The following ARMC2 variants were observed in gnomAD, a reference collection of about 807,000 sequenced individuals.
ARMC2 encodes the protein armadillo repeat-containing protein 2.
In ARMC2, 67 loss-of-function variants were observed where a neutral mutation model predicts 90.3. The observed-to-expected ratio is 0.74, with a 90% CI of 0.61 to 0.91. ARMC2 has a LOEUF of 0.91. Among genes scored for constraint, ARMC2 ranks in the 40% least tolerant of loss-of-function variants. The pLI, the probability that ARMC2 is intolerant of heterozygous loss-of-function variation, is 0.00. For missense variants in ARMC2, 920 were observed against 1,030.9 expected (o/e 0.89, Z 1.47); for synonymous variants, 393 against 393.0 (o/e 1.00, Z 0.00).
intron 10 of ARMC2, among the ~76,000 whole-genome samples, chr6:108,918,144 A>G (rs1257569671): frequency 6.6e-6 from 1 of 152,166 alleles, no homozygotes; most frequent in Non-Finnish European, 1.5e-5. Flanking sequence ...GAAATTACCC[A>G]AGGAGAGAGT....
At chr6:108,989,733 AG>A in the ARMC2 span, among the ~76,000 whole-genome samples, 1 of 152,170 alleles carries the variant, frequency 6.6e-6, no homozygotes, top group Non-Finnish European at 1.5e-5. Flanking sequence ...TGCGAGGAGA[AG>A]GATGGTCTAT....
intron 3 of ARMC2, among the ~76,000 whole-genome samples, chr6:108,861,168 C>T (rs1161723027): frequency 3.3e-5 from 5 of 152,174 alleles, no homozygotes; most frequent in African/African-American, 1.2e-4. Flanking sequence ...TCCCTTCTAC[C>T]TCTGCTACCA....
chr6:108,890,705 C>T (rs924617415), intron 5 of ARMC2, among the ~76,000 whole-genome samples: 8 of 152,170 alleles, frequency 5.3e-5, no homozygotes, highest in South Asian at 2.1e-4. Flanking sequence ...GTAAGGATCA[C>T]GTAGAACAGC....
the ARMC2 span, among the ~76,000 whole-genome samples, chr6:109,048,061 C>T: frequency 6.7e-6 from 1 of 149,532 alleles, no homozygotes; most frequent in Admixed American, 6.6e-5. Context: ...GCCAAATCCC[C>T]CTCTGTGAGA....
the ARMC2 span, among the ~76,000 whole-genome samples, chr6:109,048,905 A>G: frequency 1.3e-5 from 2 of 152,158 alleles, no homozygotes; most frequent in African/African-American, 4.8e-5. Flanking sequence ...ATAAAAAGTG[A>G]CGGGATGAGT....
the ARMC2 span, among the ~76,000 whole-genome samples, chr6:109,026,827 CA>C: frequency 6.6e-6 from 1 of 151,998 alleles, no homozygotes. Flanking sequence ...AAGTAACTGC[CA>C]AACTGTTTTC....
the ARMC2 span, among the ~76,000 whole-genome samples, chr6:109,038,480 C>CAA: frequency 7.0e-6 from 1 of 143,744 alleles, no homozygotes; most frequent in Non-Finnish European, 1.5e-5. Context: ...CTGGGTAAGA[C>CAA]AAAGCCAAGA....
chr6:108,978,005 C>G (rs1779018458), downstream of ARMC2, among the ~76,000 whole-genome samples: 1 of 152,044 alleles, frequency 6.6e-6, no homozygotes, highest in South Asian at 2.1e-4. Context: ...ACTTTCAGTT[C>G]TGCTCTGATG....
the ARMC2 span, chr6:108,993,095 A>T: frequency 3.9e-6 from 2 of 511,474 alleles, no homozygotes; most frequent in Non-Finnish European, 6.8e-6. Context: ...TCTGTTATAA[A>T]ATGAAAACTC....
chr6:109,009,442 C>A, the ARMC2 span: 1 of 1,362,486 alleles, frequency 7.3e-7, no homozygotes, highest in Non-Finnish European at 9.5e-7. Flanking sequence ...GCCTCGTTCG[C>A]GGCGGCGGCC....
chr6:108,857,914 C>G (rs988876933), intron 2 of ARMC2, among the ~76,000 whole-genome samples: 3 of 152,150 alleles, frequency 2.0e-5, no homozygotes, highest in Non-Finnish European at 4.4e-5. Flanking sequence ...TGGTTACTAG[C>G]AGTTGTCCCA....
At chr6:108,921,417 CT>C (rs1418007394) in intron 10 of ARMC2, among the ~76,000 whole-genome samples, 2 of 152,150 alleles carry the variant, frequency 1.3e-5, no homozygotes, top group African/African-American at 4.8e-5. Flanking sequence ...CCAAGTAGGC[CT>C]GTGTAGCCAG....
Position 108,862,355 on chromosome 6 carries a change from A to C in ARMC2, c.291+4084A>C, listed in dbSNP as rs1338846600. Among the ~76,000 whole-genome samples, 50 of 145,170 alleles carry C rather than the reference A, an allele frequency of 3.4e-4. No individual in the cohort carries two copies. In the East Asian group the frequency reaches 4.5e-3, roughly 13 times the overall value. On this transcript the variant is annotated intron_variant, in intron 3 of 17. Coordinates refer to ENST00000392644, the MANE Select transcript of ARMC2 (RefSeq NM_032131.6). ...TGAGACTCATCTCAAAAAAAAAAAA[A>C]AAACAAAAAAAACAAACAAAACCAA...
At chr6:108,926,154 TG>T (rs1300985089) in intron 10 of ARMC2, among the ~76,000 whole-genome samples, 3 of 152,164 alleles carry the variant, frequency 2.0e-5, no homozygotes, top group African/African-American at 7.2e-5. Context: ...TTTGATGCCT[TG>T]GGGACCAGGG....
intron 10 of ARMC2, among the ~76,000 whole-genome samples, chr6:108,915,077 T>A (rs1410517151): frequency 1.3e-5 from 2 of 151,836 alleles, no homozygotes; most frequent in Non-Finnish European, 2.9e-5. Flanking sequence ...CTCAGCCTCC[T>A]GAGTAGCTGG....
intron 3 of ARMC2, among the ~76,000 whole-genome samples, chr6:108,868,297 A>G (rs1358233808): frequency 6.6e-6 from 1 of 151,924 alleles, no homozygotes; most frequent in Admixed American, 6.6e-5. Context: ...GCTCACTGCA[A>G]CCTCCAACTC....
At chr6:108,985,143 T>C in the ARMC2 span, among the ~76,000 whole-genome samples, 1 of 152,128 alleles carries the variant, frequency 6.6e-6, no homozygotes, top group South Asian at 2.1e-4. Flanking sequence ...GCTAATAAAA[T>C]TTCAGAGTAT....
chr6:108,990,518 A>C, the ARMC2 span: 1 of 843,870 alleles, frequency 1.2e-6, no homozygotes, highest in South Asian at 1.6e-5. Flanking sequence ...AAATAGCATA[A>C]AAATAAGTTA....
intron 6 of ARMC2, among the ~76,000 whole-genome samples, chr6:108,895,388 G>A (rs1771495285): frequency 6.7e-6 from 1 of 150,082 alleles, no homozygotes; most frequent in Non-Finnish European, 1.5e-5. Context: ...GGAGGCTGAG[G>A]CAGCAGAATC....
Sources: allele counts gnomAD v4.1 joint callset (sites outside exome capture counted in the v4.1 genomes callset), GRCh38; gene constraint gnomAD v4.1.1; transcripts MANE v1.5; gene names NCBI Gene and HGNC (gene_info 2026-07-23, HGNC 2026-07-21).